Variants in GALNT2 observed in about 807,000 individuals in gnomAD.
GALNT2 encodes UDP-GalNAc:polypeptide N-acetylgalactosaminyltransferase 2.
Under a neutral mutation model 81.4 loss-of-function variants are expected in GALNT2, and 31 were observed. The ratio of observed to expected loss-of-function variants is 0.38; its 90% confidence interval spans 0.29 to 0.51. The LOEUF is 0.51. Among genes scored for constraint, GALNT2 ranks in the 20% least tolerant of loss-of-function variants. The pLI, the probability that GALNT2 is intolerant of heterozygous loss-of-function variation, is 0.87. For synonymous variants in GALNT2, 303 were observed against 287.4 expected (o/e 1.05, Z -0.55); for missense variants, 629 against 765.7 (o/e 0.82, Z 2.11).
chr1:230,171,487 C>G (rs1662793049), intron 1 of GALNT2, among the ~76,000 whole-genome samples: 2 of 152,162 alleles, frequency 1.3e-5, no homozygotes, highest in African/African-American at 4.8e-5. Context: ...AGAAGGGAAT[C>G]AAGTAGTCAT....
chr1:230,178,763 G>T (rs1034717556), intron 2 of GALNT2, among the ~76,000 whole-genome samples: 1 of 151,454 alleles, frequency 6.6e-6, no homozygotes. Context: ...AACCTGCATT[G>T]ACACGTCATC....
Position 230,281,572 on chromosome 1 carries a change from C to T in GALNT2, c.*2114C>T, listed in dbSNP as rs1286382661. On this transcript the variant is annotated 3_prime_UTR_variant, in exon 16 of 16. Coordinates refer to ENST00000366672, the MANE Select transcript of GALNT2 (RefSeq NM_004481.5). ...CACGTTTTCTGACGAATCCTTTGCCCCTTCACCTTTACCCCGCCCGCACCC... is the reference window on the plus strand; with the variant it reads ...CACGTTTTCTGACGAATCCTTTGCCTCTTCACCTTTACCCCGCCCGCACCC... 1 of 152,594 alleles carries T rather than the reference C, an allele frequency of 6.6e-6. No individual in the cohort carries two copies. Among genetic ancestry groups the T allele is most frequent in the Non-Finnish European group, 1.5e-5 (1 of 68,106 alleles). The allele number at this position is 152,594 out of a possible 1,614,324, so 9.5% of individuals were successfully genotyped here. A position where few individuals can be genotyped will look rare whatever the true frequency, so the allele number is the denominator to read the frequency against.
At chr1:230,079,026 T>A (rs555686445) in intron 1 of GALNT2, among the ~76,000 whole-genome samples, 1 of 152,344 alleles carries the variant, frequency 6.6e-6, no homozygotes, top group Admixed American at 6.5e-5. Context: ...CACCTCTTTA[T>A]GTTCAGTCTT....
chr1:230,198,317 G>A (rs946472601), intron 2 of GALNT2, among the ~76,000 whole-genome samples: 7 of 152,220 alleles, frequency 4.6e-5, no homozygotes, highest in South Asian at 2.1e-4. Context: ...GGCGCGGGCA[G>A]GACAGCAGCC....
At chr1:230,074,831 A>G (rs1191985040) in intron 1 of GALNT2, among the ~76,000 whole-genome samples, 1 of 152,232 alleles carries the variant, frequency 6.6e-6, no homozygotes, top group Admixed American at 6.5e-5. Context: ...CAGAAAGGTT[A>G]AGTGACTTTC....
Position 230,171,144 on chromosome 1 carries a change from T to G in GALNT2, c.127-7074T>G, listed in dbSNP as rs149870011. 5.3e-5 allele frequency among the ~76,000 whole-genome samples: 8 copies of G among 152,332 alleles called. 1 individual carries two copies. The highest frequency in any genetic ancestry group is 1.9e-4 in the African/African-American group (8 of 41,572). On this transcript the variant is annotated intron_variant, in intron 1 of 15. Coordinates refer to ENST00000366672, the MANE Select transcript of GALNT2 (RefSeq NM_004481.5). Reference sequence around the variant, plus strand: ...TGGTGGAACGCCAACCTTGAAGAATTAGAAATAAGTCCTTCTGCTTCTCCC... The same window carrying G: ...TGGTGGAACGCCAACCTTGAAGAATGAGAAATAAGTCCTTCTGCTTCTCCC...
Position 230,085,598 on chromosome 1 carries a change from G to A in GALNT2, c.126+18192G>A, listed in dbSNP as rs117881895. On this transcript the variant is annotated intron_variant, in intron 1 of 15. Coordinates refer to ENST00000366672, the MANE Select transcript of GALNT2 (RefSeq NM_004481.5). ...CTTGGACCTGGTGCCGTCCCTGTAG[G>A]AGTTCATTAGGGGTCTGGCATGATC... 6.0e-3 allele frequency among the ~76,000 whole-genome samples: 907 copies of A among 152,306 alleles called. 10 individuals carry two copies. Among genetic ancestry groups the A allele is most frequent in the East Asian group, 0.026 (136 of 5,184 alleles).
At position 230,243,556 on chromosome 1, in the gene GALNT2, C is replaced by G. The variant is rs1329734651; in HGVS notation, c.729+129C>G. 1.7e-5 allele frequency: 20 copies of G among 1,188,946 alleles called. No homozygotes were observed. Among genetic ancestry groups the G allele is most frequent in the Non-Finnish European group, 2.0e-5 (18 of 887,566 alleles). 73.6% of individuals were successfully genotyped at this position (1,188,946 alleles called of 1,614,324 possible). On this transcript the variant is annotated intron_variant, in intron 7 of 15. Coordinates refer to ENST00000366672, the MANE Select transcript of GALNT2 (RefSeq NM_004481.5). The surrounding 1 kb of genome is among the most constrained non-coding windows in gnomAD (Gnocchi z 4.2). ...CAGGGCTGGTAGGGGCTGAGCTCGC[C>G]GTCTGCAGTTTTCCTTGATAGAAGG...
At chr1:230,173,497 C>A in intron 1 of GALNT2, among the ~76,000 whole-genome samples, 1 of 152,332 alleles carries the variant, frequency 6.6e-6, no homozygotes, top group South Asian at 2.1e-4. Context: ...GGAAACAAAG[C>A]AGAGATGGGT....
intron 6 of GALNT2, among the ~76,000 whole-genome samples, chr1:230,242,872 A>ATAGCG (rs1362562589): frequency 6.6e-6 from 1 of 152,214 alleles, no homozygotes; most frequent in African/African-American, 2.4e-5. Context: ...GAAGACAGAG[A>ATAGCG]TAGTCACAAC....
Position 230,211,653 on chromosome 1 carries a change from C to T in GALNT2, c.374+8363C>T, listed in dbSNP as rs141350672. 1.1e-3 allele frequency among the ~76,000 whole-genome samples: 171 copies of T among 152,214 alleles called. 1 individual carries two copies. The highest frequency in any genetic ancestry group is 3.9e-3 in the African/African-American group (161 of 41,534). On this transcript the variant is annotated intron_variant, in intron 3 of 15. Transcript: ENST00000366672. ...TCTAGTGTGGTGGTGTGCACCTGTACTCCCAGCCGCTTGGGAGGCTGAAAG... is the reference window on the plus strand; with the variant it reads ...TCTAGTGTGGTGGTGTGCACCTGTATTCCCAGCCGCTTGGGAGGCTGAAAG...
chr1:230,128,638 G>T (rs1356968052), intron 1 of GALNT2, among the ~76,000 whole-genome samples: 1 of 151,842 alleles, frequency 6.6e-6, no homozygotes, highest in African/African-American at 2.4e-5. Context: ...GGGGTGGTTG[G>T]GGGGAGGTAG....
intron 1 of GALNT2, among the ~76,000 whole-genome samples, chr1:230,148,519 A>T (rs928985332): frequency 2.6e-5 from 4 of 152,010 alleles, no homozygotes; most frequent in African/African-American, 7.3e-5. Context: ...GCGGTCCCTC[A>T]CTCGCCTTCC....
intron 3 of GALNT2, among the ~76,000 whole-genome samples, chr1:230,228,724 A>C (rs1355349169): frequency 1.3e-5 from 2 of 152,012 alleles, no homozygotes; most frequent in South Asian, 2.1e-4. Context: ...CTCCTCGGGC[A>C]TGTTGCCCTA....
At chr1:230,262,327 G>T (rs2102761861) in intron 11 of GALNT2, 1 of 470,340 alleles carries the variant, frequency 2.1e-6, no homozygotes, top group Non-Finnish European at 3.7e-6. Context: ...TTTGCCCTTT[G>T]ACCATCTGTG....
intron 1 of GALNT2, among the ~76,000 whole-genome samples, chr1:230,137,928 AG>A (rs1661602840): frequency 6.6e-6 from 1 of 152,162 alleles, no homozygotes; most frequent in Non-Finnish European, 1.5e-5. Flanking sequence ...ATCGTTTCCT[AG>A]GTTCTTAGTT....
At chr1:230,272,393 G>A (rs1258422878) in intron 14 of GALNT2, among the ~76,000 whole-genome samples, 1 of 152,170 alleles carries the variant, frequency 6.6e-6, no homozygotes, top group African/African-American at 2.4e-5. Flanking sequence ...TTCTACTCTA[G>A]GACTCTTCAG....
At position 230,070,266 on chromosome 1, in the gene GALNT2, CT is replaced by C. The variant is rs1473565510; in HGVS notation, c.126+2863del. Among the ~76,000 whole-genome samples the C allele has an allele frequency of 3.2e-4, 48 of 152,296 alleles. 1 individual carries two copies. Among genetic ancestry groups the C allele is most frequent in the Admixed American group, 2.1e-3 (32 of 15,298 alleles). On this transcript the variant is annotated intron_variant, in intron 1 of 15. Transcript: ENST00000366672. This position sits in a 1 kb window ranked among gnomAD's most constrained non-coding sequence, Gnocchi z 4.7. ...ATACCCTTTCCCCCCATATTTTGCT[CT>C]TTCCCCCTAAATTGATGATTTGCAC...
chr1:230,280,460 C>T lies in GALNT2; in HGVS notation c.*1002C>T, dbSNP rs921914319. Reference sequence around the variant, plus strand: ...TTTCTCTAAGGAATATAAGACATACCCCATAGCTCTGTGTGAGCCAGCAAT... The same window carrying T: ...TTTCTCTAAGGAATATAAGACATACTCCATAGCTCTGTGTGAGCCAGCAAT... On this transcript the variant is annotated 3_prime_UTR_variant, in exon 16 of 16. Coordinates refer to ENST00000366672, the MANE Select transcript of GALNT2 (RefSeq NM_004481.5). The T allele has an allele frequency of 1.2e-5, 2 of 172,774 alleles. No individual in the cohort carries two copies. Among genetic ancestry groups the T allele is most frequent in the Non-Finnish European group, 2.5e-5 (2 of 78,562 alleles). The allele number at this position is 172,774 out of a possible 1,614,324, so 10.7% of individuals were successfully genotyped here. A position where few individuals can be genotyped will look rare whatever the true frequency, so the allele number is the denominator to read the frequency against.
Sources: gnomAD v4.1 joint callset for allele counts (sites outside exome capture counted in the v4.1 genomes callset) on GRCh38, gnomAD v4.1.1 for gene constraint, Gnocchi (gnomAD v3.1) non-coding constraint, MANE v1.5 for transcripts, NCBI Gene and HGNC (gene_info 2026-07-23, HGNC 2026-07-21) for gene names.